Variants in QPCT observed in about 807,000 individuals in gnomAD.
The protein encoded by QPCT is EC.
Under a neutral mutation model 43.4 loss-of-function variants are expected in QPCT, and 44 were observed. The ratio of observed to expected loss-of-function variants is 1.01; its 90% CI spans 0.80 to 1.30. The LOEUF is 1.30. Among genes scored for constraint, QPCT ranks in the 50% most tolerant of loss-of-function variants. The pLI is 0.00. For missense variants in QPCT, 526 were observed against 436.5 expected (o/e 1.21, Z -1.83); for synonymous variants, 168 against 168.4 (o/e 1.00, Z 0.02).
intron 4 of QPCT, among the ~76,000 whole-genome samples, 187 bp from the exon 5 acceptor site, chr2:37,369,498 C>A (rs911824574): frequency 6.6e-6 from 1 of 152,134 alleles, no homozygotes; most frequent in Admixed American, 6.5e-5. Context: ...ATTACATAAG[C>A]AAGATTTAAA....
intron 1 of QPCT, among the ~76,000 whole-genome samples, chr2:37,345,167 G>A (rs1011308090): frequency 6.6e-6 from 1 of 152,198 alleles, no homozygotes; most frequent in African/African-American, 2.4e-5. Context: ...GAGCCGGGAG[G>A]CGAGGGCGCA....
intron 1 of QPCT, among the ~76,000 whole-genome samples, chr2:37,349,146 T>C (rs1572727701): frequency 6.6e-6 from 1 of 152,230 alleles, no homozygotes; most frequent in African/African-American, 2.4e-5. Context: ...TCTCTGTCCT[T>C]CAGTTACTGG....
At chr2:37,370,174 G>A (rs889919203) in intron 5 of QPCT, among the ~76,000 whole-genome samples, 34 of 151,950 alleles carry the variant, frequency 2.2e-4, no homozygotes, top group African/African-American at 8.0e-4. Flanking sequence ...GACAGGGTGA[G>A]GCGCCATCTC....
At chr2:37,358,184 G>A (rs925864811) in intron 2 of QPCT, among the ~76,000 whole-genome samples, 5 of 150,138 alleles carry the variant, frequency 3.3e-5, no homozygotes, top group African/African-American at 1.2e-4. Flanking sequence ...AGGCCGAGGC[G>A]GATGGATCAC....
At chr2:37,345,713 G>C (rs2124928739) in intron 1 of QPCT, among the ~76,000 whole-genome samples, 1 of 152,168 alleles carries the variant, frequency 6.6e-6, no homozygotes, top group East Asian at 1.9e-4. Context: ...GCACGCACCT[G>C]TAATCCCAGC....
chr2:37,353,674 T>A (rs1334006207), intron 2 of QPCT, among the ~76,000 whole-genome samples: 1 of 152,190 alleles, frequency 6.6e-6, no homozygotes, highest in African/African-American at 2.4e-5. Flanking sequence ...CTCCCTGATG[T>A]CAGTCTTCCT....
intron 1 of QPCT, among the ~76,000 whole-genome samples, chr2:37,346,180 A>C (rs1306416961): frequency 6.6e-6 from 1 of 152,240 alleles, no homozygotes; most frequent in African/African-American, 2.4e-5. Context: ...GATCTAATGT[A>C]ATCACCACTC....
rs370636027 is a variant in QPCT, at chr2:37,353,667, C to A, written c.267+732C>A. Among the ~76,000 whole-genome samples the A allele has an allele frequency of 1.2e-4, 19 of 152,278 alleles. No individual in the cohort carries two copies. The East Asian group carries it at 3.1e-3, about 25-fold the overall frequency. On this transcript the variant is annotated intron_variant, in intron 2 of 6. Transcript: ENST00000338415. The stretch of plus-strand genomic sequence containing the variant: ...CAGACCTTGAATGCCTCTTTGCCTC[C>A]CTGATGTCAGTCTTCCTAAGCAATC...
At position 37,352,869 on chromosome 2, in the gene QPCT, A is replaced by C. The variant is rs749398177; in HGVS notation, c.201A>C (p.Gln67His). 6 of 1,614,260 alleles carry C rather than the reference A, an allele frequency of 3.7e-6. No homozygotes were observed. The East Asian group carries it at 6.7e-5, about 18-fold the overall frequency. The change falls in exon 2 of 7, where the codon CAA (glutamine) becomes CAC (histidine). Residue 67 changes from glutamine to histidine, a missense_variant. Gln to His is a conservative substitution (Grantham distance 24, BLOSUM62 0). Transcript: ENST00000338415. ...GCACCAGTATCTCTGAAATGTGGCA[A>C]AATGACTTACAGCCATTGCTGATAG... ...AEGTSISEMWQNDLQPLLIER... is the reference protein window; with the variant it reads ...AEGTSISEMWHNDLQPLLIER...
At chr2:37,370,886 T>C (rs186578148) in intron 5 of QPCT, among the ~76,000 whole-genome samples, 1 of 152,328 alleles carries the variant, frequency 6.6e-6, no homozygotes, top group Admixed American at 6.5e-5. Flanking sequence ...TTGATCTTTA[T>C]TGTAGAATCC....
chr2:37,372,292 A>G (rs1043457953), intron 5 of QPCT, 64 bp from the exon 6 acceptor site: 33 of 1,154,784 alleles, frequency 2.9e-5, no homozygotes, highest in Non-Finnish European at 4.3e-5. Flanking sequence ...TTAAATAAGG[A>G]TACATTATGA....
chr2:37,356,835 G>T (rs1277803990), intron 2 of QPCT, among the ~76,000 whole-genome samples: 1 of 152,014 alleles, frequency 6.6e-6, no homozygotes, highest in Non-Finnish European at 1.5e-5. Flanking sequence ...GTGAAACTTT[G>T]TCTCTACCAA....
chr2:37,359,595 A>G lies in QPCT; in HGVS notation c.283A>G (p.Ile95Val). 1 of 1,614,004 alleles carries G rather than the reference A, an allele frequency of 6.2e-7. No homozygotes were observed. Among genetic ancestry groups the G allele is most frequent in the Non-Finnish European group, 8.5e-7 (1 of 1,179,876 alleles). ...TTTTGATCAGCACATCATGCAGCGA[A>G]TTCAGAGGCTTCAGGCTGACTGGGT... ...YAARQHIMQRIQRLQADWVLE... is the reference protein window; with the variant it reads ...YAARQHIMQRVQRLQADWVLE... The change falls in exon 3 of 7, where the codon ATT (isoleucine) becomes GTT (valine). Residue 95 changes from isoleucine (I) to valine (V), a missense_variant. Ile to Val is a conservative substitution (Grantham distance 29). Transcript: ENST00000338415.
chr2:37,373,295 T>A lies in QPCT; in HGVS notation c.*468T>A, dbSNP rs1455776631. The A allele has an allele frequency of 2.6e-5, 4 of 152,268 alleles. No homozygotes were observed. The highest frequency in any genetic ancestry group is 2.6e-4 in the Admixed American group (4 of 15,280). 9.4% of individuals were successfully genotyped at this position (152,268 alleles called of 1,614,324 possible). A position where few individuals can be genotyped will look rare whatever the true frequency, so the allele number is the denominator to read the frequency against. On this transcript the variant is annotated 3_prime_UTR_variant, in exon 7 of 7. Transcript: ENST00000338415. Reference sequence around the variant, plus strand: ...AGAAATCTTTGTAGAGTTAATTTTATGGAAATTAAAATCAGAATTAAATGC... The same window carrying A: ...AGAAATCTTTGTAGAGTTAATTTTAAGGAAATTAAAATCAGAATTAAATGC...
At chr2:37,370,009 T>C (rs1358875442) in intron 5 of QPCT, among the ~76,000 whole-genome samples, 9 of 151,928 alleles carry the variant, frequency 5.9e-5, no homozygotes, top group Non-Finnish European at 1.3e-4. Context: ...GGGGTTTCAC[T>C]AAACAAATAC....
At chr2:37,371,555 T>C (rs1673074346) in intron 5 of QPCT, among the ~76,000 whole-genome samples, 1 of 151,816 alleles carries the variant, frequency 6.6e-6, no homozygotes, top group African/African-American at 2.4e-5. Context: ...TCTAGAATCA[T>C]ATTACATATG....
chr2:37,361,581 C>G (rs1672858745), intron 3 of QPCT, among the ~76,000 whole-genome samples: 1 of 152,212 alleles, frequency 6.6e-6, no homozygotes, highest in South Asian at 2.1e-4. Context: ...GAATGGCATG[C>G]CCTGGCTAGC....
intron 4 of QPCT, 112 bp downstream of exon 4, chr2:37,367,520 GT>G: frequency 1.9e-6 from 2 of 1,074,826 alleles, no homozygotes; most frequent in Non-Finnish European, 2.6e-6. Flanking sequence ...GGAGCACAGT[GT>G]TTATGATAGA....
intron 5 of QPCT, among the ~76,000 whole-genome samples, chr2:37,371,259 C>T (rs953474785): frequency 2.0e-5 from 3 of 151,612 alleles, no homozygotes; most frequent in Admixed American, 6.6e-5. Flanking sequence ...TTATTATGTC[C>T]TGTACCAGAA....
Sources: gnomAD v4.1 joint callset for allele counts (sites outside exome capture counted in the v4.1 genomes callset) on GRCh38, gnomAD v4.1.1 for gene constraint, MANE v1.5 for transcripts, NCBI Gene and HGNC (gene_info 2026-07-23, HGNC 2026-07-21) for gene names.